Variants in TSHZ2 observed in about 807,000 individuals in gnomAD.
TSHZ2 encodes the protein teashirt zinc finger homeobox 2.
Under a neutral mutation model 74.4 loss-of-function variants are expected in TSHZ2, and 21 were observed. The observed-to-expected ratio is 0.28, with a 90% CI of 0.20 to 0.41. The LOEUF (loss-of-function observed/expected upper bound fraction) is 0.41, where lower values mean the gene tolerates loss of function less well. Ranked by LOEUF, TSHZ2 falls within the 10% of genes least tolerant of loss-of-function variation. TSHZ2 has a pLI of 1.00. For synonymous variants in TSHZ2, 540 were observed against 515.3 expected (o/e 1.05, Z -0.65); for missense variants, 1,244 against 1,293.5 (o/e 0.96, Z 0.59).
intron 1 of TSHZ2, among the ~76,000 whole-genome samples, chr20:53,203,188 CA>C: frequency 7.1e-6 from 1 of 141,760 alleles, no homozygotes; most frequent in East Asian, 2.4e-4. Context: ...TGAGCAGACT[CA>C]AATTTTTTTT....
intron 1 of TSHZ2, among the ~76,000 whole-genome samples, chr20:53,005,880 T>C (rs1982625552): frequency 6.6e-6 from 1 of 152,058 alleles, no homozygotes; most frequent in Non-Finnish European, 1.5e-5. Flanking sequence ...TAATAGCATT[T>C]CACCTGCCTT....
At position 53,038,858 on chromosome 20, in the gene TSHZ2, T is replaced by TG. The variant is rs1361849896; in HGVS notation, c.40+65526dup. 4.2e-5 allele frequency among the ~76,000 whole-genome samples: 4 copies of TG among 95,776 alleles called. No homozygotes were observed. In the East Asian group the frequency reaches 1.5e-3, roughly 35 times the overall value. 62.8% of individuals were successfully genotyped at this position (95,776 alleles called of 152,430 possible). On this transcript the variant is annotated intron_variant, in intron 1 of 2. Transcript: ENST00000371497. ...TGGGTCCAAGGGCCTTTTCACTTCT[T>TG]GTTTTTTTTTTGTTTGTTTGTTTTG...
intron 1 of TSHZ2, among the ~76,000 whole-genome samples, chr20:53,027,210 T>C (rs1983477864): frequency 6.6e-6 from 1 of 152,210 alleles, no homozygotes; most frequent in Non-Finnish European, 1.5e-5. Flanking sequence ...GCTGTGTTTA[T>C]GGGTTAGGAT....
In TSHZ2 at chr20:53,256,044, G is replaced by A. The variant is rs746681566; in HGVS notation, c.2586G>A (p.Ser862=). 16 of 1,613,320 alleles carry A rather than the reference G, an allele frequency of 9.9e-6. No homozygotes were observed. The highest frequency in any genetic ancestry group is 1.3e-5 in the Non-Finnish European group (15 of 1,179,566). The change falls in exon 2 of 3, where the codon TCG becomes TCA. Residue 862 remains serine (S), a synonymous_variant. Transcript: ENST00000371497. The surrounding 1 kb of genome is among the most constrained non-coding windows in gnomAD (Gnocchi z 4.3). ...TGATTCTACAAGCCCAGTTTGCCTC[G>A]AGCCTCTTCCAGACATCAGAGGGCA... ...HLLILQAQFA[S]SLFQTSEGKY...
chr20:53,394,220 T>G (rs1982361804), intron 2 of TSHZ2, among the ~76,000 whole-genome samples: 1 of 152,178 alleles, frequency 6.6e-6, no homozygotes, highest in African/African-American at 2.4e-5. Flanking sequence ...AGGTGGTCAA[T>G]GGACAAGGAT....
intron 1 of TSHZ2, among the ~76,000 whole-genome samples, chr20:53,036,315 G>A (rs887920071): frequency 6.6e-6 from 1 of 151,994 alleles, no homozygotes. Flanking sequence ...ACTGTGATCC[G>A]AATAAGCAAG....
chr20:53,141,090 T>C (rs1987389243), intron 1 of TSHZ2, among the ~76,000 whole-genome samples: 1 of 152,214 alleles, frequency 6.6e-6, no homozygotes, highest in African/African-American at 2.4e-5. Context: ...CATCAGAAGC[T>C]GACCACCAAG....
At chr20:53,093,010 G>A (rs1202201277) in intron 1 of TSHZ2, among the ~76,000 whole-genome samples, 1 of 152,172 alleles carries the variant, frequency 6.6e-6, no homozygotes, top group African/African-American at 2.4e-5. Context: ...TGGGACTGTA[G>A]TTTGCCCTGT....
chr20:53,001,915 C>G (rs751315219), intron 1 of TSHZ2, among the ~76,000 whole-genome samples: 1 of 152,076 alleles, frequency 6.6e-6, no homozygotes, highest in African/African-American at 2.4e-5. Context: ...TGATGGAGAA[C>G]GGACTAAAGA....
chr20:53,480,153 C>T (rs1391291571), intron 2 of TSHZ2, among the ~76,000 whole-genome samples: 1 of 151,452 alleles, frequency 6.6e-6, no homozygotes, highest in Non-Finnish European at 1.5e-5. Context: ...ACTGCAACCT[C>T]CACCTGCTGG....
intron 1 of TSHZ2, among the ~76,000 whole-genome samples, chr20:53,069,567 C>T (rs1181599296): frequency 6.6e-6 from 1 of 151,542 alleles, no homozygotes; most frequent in Non-Finnish European, 1.5e-5. Context: ...GGAAGAGAAA[C>T]CTAAGGGGAA....
intron 2 of TSHZ2, among the ~76,000 whole-genome samples, chr20:53,486,294 C>T (rs1255390423): frequency 1.3e-5 from 2 of 152,112 alleles, no homozygotes; most frequent in Admixed American, 6.5e-5. Context: ...TCCACTCATC[C>T]GTTGGACACT....
At chr20:53,248,508 C>T (rs992635659) in intron 1 of TSHZ2, among the ~76,000 whole-genome samples, 7 of 152,156 alleles carry the variant, frequency 4.6e-5, no homozygotes, top group African/African-American at 1.7e-4. Context: ...TAATATTTCT[C>T]CTTTTTTAAA....
intron 1 of TSHZ2, among the ~76,000 whole-genome samples, chr20:53,161,978 G>A (rs181130540): frequency 2.9e-4 from 44 of 152,252 alleles, no homozygotes; most frequent in African/African-American, 9.6e-4. Flanking sequence ...GTAAAGTGAG[G>A]CTTAGGGAGG....
intron 1 of TSHZ2, among the ~76,000 whole-genome samples, chr20:53,229,026 C>A (rs1989756863): frequency 6.6e-6 from 1 of 152,206 alleles, no homozygotes; most frequent in Non-Finnish European, 1.5e-5. Flanking sequence ...CGGGAGTCAA[C>A]ACACTCTTTG....
intron 1 of TSHZ2, among the ~76,000 whole-genome samples, chr20:53,089,366 C>T (rs1334434795): frequency 7.1e-6 from 1 of 140,698 alleles, no homozygotes; most frequent in Non-Finnish European, 1.5e-5. Flanking sequence ...TTCCAACTTC[C>T]AGGCTGGCAA....
At chr20:53,066,633 G>C (rs545549485) in intron 1 of TSHZ2, among the ~76,000 whole-genome samples, 1 of 152,062 alleles carries the variant, frequency 6.6e-6, no homozygotes, top group South Asian at 2.1e-4. Flanking sequence ...TCAGCCTCCT[G>C]AGTAGCTGGG....
intron 2 of TSHZ2, among the ~76,000 whole-genome samples, chr20:53,409,147 G>C (rs1982953416): frequency 6.6e-6 from 1 of 152,102 alleles, no homozygotes; most frequent in Non-Finnish European, 1.5e-5. Context: ...ATAACAGAAG[G>C]GGGGATGTGA....
intron 2 of TSHZ2, among the ~76,000 whole-genome samples, chr20:53,415,824 A>ACG (rs112587993): frequency 0.033 from 3,864 of 116,068 alleles, 133 homozygotes; most frequent in African/African-American, 0.12. Flanking sequence ...ACACACACGC[A>ACG]CACACAGGCA....
Sources: gnomAD v4.1 joint callset for allele counts (sites outside exome capture counted in the v4.1 genomes callset) on GRCh38, gnomAD v4.1.1 for gene constraint, Gnocchi (gnomAD v3.1) non-coding constraint, MANE v1.5 for transcripts, NCBI Gene and HGNC (gene_info 2026-07-23, HGNC 2026-07-21) for gene names.